Variants in CXADR observed in about 807,000 individuals in gnomAD.
CXADR encodes the protein coxsackievirus and adenovirus receptor.
Under a neutral mutation model 40.3 loss-of-function variants are expected in CXADR, and 20 were observed. That is an observed-to-expected ratio of 0.50 (90% CI 0.35 to 0.72). The LOEUF is 0.72. Among genes scored for constraint, CXADR ranks in the 30% least tolerant of loss-of-function variants. The probability of loss-of-function intolerance (pLI) is 0.01; values close to 1 mark genes in which losing one functional copy is unlikely to be tolerated. For synonymous variants in CXADR, 150 were observed against 161.3 expected (o/e 0.93, Z 0.53); for missense variants, 332 against 449.1 (o/e 0.74, Z 2.36).
At chr21:17,547,880 T>C (rs2060918947) in intron 2 of CXADR, among the ~76,000 whole-genome samples, 1 of 152,172 alleles carries the variant, frequency 6.6e-6, no homozygotes, top group Non-Finnish European at 1.5e-5. Context: ...GTTTCAGTAT[T>C]TTTTCTAATC....
chr21:17,514,741 C>T (rs1248077091), intron 1 of CXADR, among the ~76,000 whole-genome samples: 6 of 151,716 alleles, frequency 4.0e-5, no homozygotes, highest in African/African-American at 1.5e-4. Flanking sequence ...TTAAGCGATT[C>T]TCCTGCCTCA....
the CXADR span, among the ~76,000 whole-genome samples, chr21:17,608,145 C>A: frequency 6.6e-6 from 1 of 152,088 alleles, no homozygotes; most frequent in African/African-American, 2.4e-5. Flanking sequence ...GGGAGAAGAT[C>A]GCGTGAGGCC....
At chr21:17,561,243 C>CAT (rs56962067) in intron 5 of CXADR, 95 bp from the exon 6 acceptor site, 637,435 of 716,620 alleles carry the variant, frequency 0.89, 284,496 homozygotes, top group East Asian at 1. Context: ...AAAGTTAACA[C>CAT]GTGATGAAAT....
rs8127820 is a variant in CXADR at position 17,568,566 on chromosome 21, T to C, written c.*2874T>C. 2.5e-3 allele frequency: 2,423 copies of C among 979,992 alleles called. 63 individuals are homozygous for C. The African/African-American group carries it at 0.038, about 16-fold the overall frequency. 60.7% of individuals were successfully genotyped at this position (979,992 alleles called of 1,614,324 possible). ...AATATATAGTTCTGTACTTTTTTTT[T>C]TTTTTTTTAAGAGATAGGGTTTCAC... On this transcript the variant is annotated 3_prime_UTR_variant, in exon 7 of 7. Transcript: ENST00000284878.
At chr21:17,578,645 A>G (rs529649514) in intron 7 of CXADR, among the ~76,000 whole-genome samples, 75 of 152,316 alleles carry the variant, frequency 4.9e-4, no homozygotes, top group African/African-American at 1.8e-3. Flanking sequence ...TCTGGCCAAC[A>G]TGGCAAAGCC....
chr21:17,556,788 G>A (rs1004456762), intron 3 of CXADR, among the ~76,000 whole-genome samples: 2 of 152,316 alleles, frequency 1.3e-5, no homozygotes, highest in East Asian at 1.9e-4. Context: ...AAAAATGTAA[G>A]TAGGAGCAGA....
the CXADR span, chr21:17,609,136 A>T: frequency 1.2e-6 from 2 of 1,604,282 alleles, no homozygotes; most frequent in Non-Finnish European, 1.7e-6. Context: ...CAGCAATTTC[A>T]TTCTTCATTT....
chr21:17,533,738 C>G (rs899369277), intron 1 of CXADR, among the ~76,000 whole-genome samples: 15 of 151,948 alleles, frequency 9.9e-5, no homozygotes, highest in African/African-American at 3.6e-4. Flanking sequence ...CATTTCTATT[C>G]CAGTTTATTT....
At chr21:17,590,540 C>G (rs1374239088) in intron 7 of CXADR, among the ~76,000 whole-genome samples, 2 of 152,022 alleles carry the variant, frequency 1.3e-5, no homozygotes, top group African/African-American at 4.8e-5. Flanking sequence ...TTCCCTTGTG[C>G]TCATGAGTGC....
intron 3 of CXADR, among the ~76,000 whole-genome samples, chr21:17,554,233 C>T (rs890751947): frequency 2.6e-5 from 4 of 151,978 alleles, no homozygotes; most frequent in Non-Finnish European, 5.9e-5. Flanking sequence ...TTGCAGTTCT[C>T]AACTGAAGAG....
intron 1 of CXADR, among the ~76,000 whole-genome samples, chr21:17,525,722 A>G (rs1391114443): frequency 1.3e-5 from 2 of 152,212 alleles, no homozygotes; most frequent in East Asian, 1.9e-4. Context: ...GAGCAAAATG[A>G]TCATATCTTA....
At position 17,547,209 on chromosome 21, in the gene CXADR, C is replaced by T; in HGVS notation, c.210+16C>T. The T allele has an allele frequency of 1.2e-6, 2 of 1,613,964 alleles. No individual in the cohort carries two copies. The highest frequency in any genetic ancestry group is 1.7e-6 in the Non-Finnish European group (2 of 1,179,982). On this transcript the variant is annotated intron_variant, in intron 2 of 6. Transcript: ENST00000284878. ...GGATCAAGTGGTAAGTTTGATATGT[C>T]CTTGCTCGCTTAGCAGCTGTCTGTG...
chr21:17,533,789 G>T (rs184399292), intron 1 of CXADR, among the ~76,000 whole-genome samples: 1 of 151,918 alleles, frequency 6.6e-6, no homozygotes, highest in Admixed American at 6.6e-5. Context: ...GGGATAGGGA[G>T]CTGGGAATTG....
intron 7 of CXADR, among the ~76,000 whole-genome samples, chr21:17,584,634 A>T (rs1376129685): frequency 3.9e-5 from 6 of 152,236 alleles, no homozygotes. Context: ...GTTTGAGACC[A>T]GCCTGGCCAA....
At chr21:17,565,282 G>GACACAC (rs6147430) in intron 6 of CXADR, 146 bp from the exon 7 acceptor site, 2 of 805,200 alleles carry the variant, frequency 2.5e-6, no homozygotes, top group African/African-American at 1.8e-5. Context: ...GCTTTTTTGT[G>GACACAC]ACACACACAC....
At chr21:17,589,268 A>G (rs1272838283) in intron 7 of CXADR, among the ~76,000 whole-genome samples, 1 of 152,110 alleles carries the variant, frequency 6.6e-6, no homozygotes, top group African/African-American at 2.4e-5. Flanking sequence ...ATAAAACTGT[A>G]GCCACATTGC....
chr21:17,529,482 T>C (rs2060642623), intron 1 of CXADR, among the ~76,000 whole-genome samples: 1 of 152,040 alleles, frequency 6.6e-6, no homozygotes, highest in African/African-American at 2.4e-5. Flanking sequence ...CACCACGCCC[T>C]GCTAATTTTT....
chr21:17,596,172 A>C (rs962193094), downstream of CXADR, among the ~76,000 whole-genome samples: 1 of 152,140 alleles, frequency 6.6e-6, no homozygotes, highest in Middle Eastern at 3.4e-3. Context: ...TTTTAAAAAA[A>C]GTATATTCTG....
chr21:17,586,659 T>C (rs1038268610), intron 7 of CXADR, among the ~76,000 whole-genome samples: 5 of 151,936 alleles, frequency 3.3e-5, no homozygotes, highest in Admixed American at 3.3e-4. Context: ...TCTATTTTTA[T>C]GGTTTGAAGT....
Sources: gnomAD v4.1 joint callset for allele counts (sites outside exome capture counted in the v4.1 genomes callset) on GRCh38, gnomAD v4.1.1 for gene constraint, MANE v1.5 for transcripts, NCBI Gene and HGNC (gene_info 2026-07-23, HGNC 2026-07-21) for gene names.